SNTG2: variants seen among roughly 807,000 people sequenced by gnomAD.
The protein encoded by SNTG2 is syntrophin gamma 2.
A neutral mutation model predicts 70.9 loss-of-function variants in SNTG2; 74 were observed. The observed-to-expected ratio is 1.04, with a 90% confidence interval of 0.86 to 1.27. The LOEUF (loss-of-function observed/expected upper bound fraction) is 1.27, where lower values mean the gene tolerates loss of function less well. SNTG2 is among the 50% of genes most tolerant of loss of function. The probability of loss-of-function intolerance (pLI) is 0.00; values close to 1 mark genes in which losing one functional copy is unlikely to be tolerated. For synonymous variants in SNTG2, 278 were observed against 273.8 expected, an observed-to-expected ratio of 1.02 and a Z score of -0.15; for missense variants, 717 against 690.7, an observed-to-expected ratio of 1.04 and a Z score of -0.43.
chr2:1,224,534 G>C (rs1468595456), intron 9 of SNTG2, among the ~76,000 whole-genome samples: 1 of 152,138 alleles, frequency 6.6e-6, no homozygotes, highest in African/African-American at 2.4e-5. Flanking sequence ...CCCATGCTCT[G>C]CCTCCCAGGC....
At chr2:1,119,551 C>CAT (rs1558423323) in intron 4 of SNTG2, among the ~76,000 whole-genome samples, 1 of 129,294 alleles carries the variant, frequency 7.7e-6, no homozygotes, top group Non-Finnish European at 1.6e-5. Context: ...GTTAAAGGCT[C>CAT]GTTTTTTTTT....
intron 1 of SNTG2, among the ~76,000 whole-genome samples, chr2:955,669 A>C (rs1660115574): frequency 6.6e-6 from 1 of 152,272 alleles, no homozygotes; most frequent in South Asian, 2.1e-4. Context: ...AGGTAAGGGC[A>C]CAGCCATGGG....
Position 1,137,749 on chromosome 2 carries a change from T to C in SNTG2, c.370-19T>C. 6.2e-7 allele frequency: 1 copy of C among 1,613,864 alleles called. No homozygotes were observed. Among genetic ancestry groups the C allele is most frequent in the Non-Finnish European group, 8.5e-7 (1 of 1,179,782 alleles). On this transcript the variant is annotated intron_variant, in intron 5 of 16. Transcript: ENST00000308624. ...AATCAATCGTTATTCTCAACATTCT[T>C]ACTTTGTCATCTGTTCAGGTTAATG... is the stretch of plus-strand genomic sequence containing the variant.
intron 16 of SNTG2, among the ~76,000 whole-genome samples, chr2:1,326,187 A>G (rs1487429431): frequency 6.6e-6 from 1 of 152,200 alleles, no homozygotes; most frequent in Non-Finnish European, 1.5e-5. Flanking sequence ...TATATTTATA[A>G]TATATCCAAA....
rs1175911872 is a variant in SNTG2 at position 1,305,995 on chromosome 2, C to T, written c.1285-2499C>T. Reference sequence around the variant, plus strand: ...GTAGCAATTTCCCTTGGAATACTTTCATTTCCTATTTTATAATCACTAGAT... The same window carrying T: ...GTAGCAATTTCCCTTGGAATACTTTTATTTCCTATTTTATAATCACTAGAT... On this transcript the variant is annotated intron_variant, in intron 14 of 16. Coordinates refer to ENST00000308624, the MANE Select transcript of SNTG2 (RefSeq NM_018968.4). Among the ~76,000 whole-genome samples, 4 of 152,336 alleles carry T rather than the reference C, an allele frequency of 2.6e-5. No individual in the cohort carries two copies. The South Asian group carries it at 8.3e-4, about 32-fold the overall frequency.
intron 9 of SNTG2, among the ~76,000 whole-genome samples, chr2:1,219,273 T>C (rs932683894): frequency 1.3e-5 from 2 of 152,246 alleles, no homozygotes; most frequent in African/African-American, 2.4e-5. Context: ...TCCCAGCAGA[T>C]GTCGCCATGC....
intron 14 of SNTG2, among the ~76,000 whole-genome samples, chr2:1,272,798 C>A (rs1006396805): frequency 7.1e-6 from 1 of 140,196 alleles, no homozygotes; most frequent in Non-Finnish European, 1.5e-5. Context: ...AGAAAGGACA[C>A]CCCAGGGAGC....
intron 1 of SNTG2, among the ~76,000 whole-genome samples, chr2:1,031,429 T>C (rs1224383837): frequency 6.7e-6 from 1 of 150,202 alleles, no homozygotes; most frequent in African/African-American, 2.5e-5. Context: ...AGACTTATAG[T>C]CTCATATGGT....
chr2:998,048 A>G lies in SNTG2; in HGVS notation c.72+46980A>G, dbSNP rs180714851. ...TTGAGAAAGCCATCATACAAAGGCTATCTATAGCCAAGGAGTTCACGCAGA... is the reference window on the plus strand; with the variant it reads ...TTGAGAAAGCCATCATACAAAGGCTGTCTATAGCCAAGGAGTTCACGCAGA... On this transcript the variant is annotated intron_variant, in intron 1 of 16. Transcript: ENST00000308624. Among the ~76,000 whole-genome samples the G allele has an allele frequency of 1.1e-4, 17 of 152,352 alleles. No individual in the cohort carries two copies. In the East Asian group the frequency reaches 2.7e-3, roughly 24 times the overall value.
chr2:1,154,592 G>A (rs1037774651), intron 6 of SNTG2, among the ~76,000 whole-genome samples: 6 of 152,106 alleles, frequency 3.9e-5, no homozygotes, highest in Non-Finnish European at 7.4e-5. Flanking sequence ...CTGCAGCAGC[G>A]TGACAGTGAC....
intron 1 of SNTG2, among the ~76,000 whole-genome samples, chr2:1,051,956 G>A (rs1662102593): frequency 1.3e-5 from 2 of 152,118 alleles, no homozygotes. Flanking sequence ...ATTTTCAAAT[G>A]GTAAACTACC....
chr2:1,327,610 G>A (rs1402232378), intron 16 of SNTG2, among the ~76,000 whole-genome samples: 1 of 152,136 alleles, frequency 6.6e-6, no homozygotes, highest in East Asian at 1.9e-4. Flanking sequence ...TCCAGCCATT[G>A]TGTCAAGTTA....
Position 1,134,750 on chromosome 2 carries a change from T to C in SNTG2, c.326-2872T>C, listed in dbSNP as rs62107447. Among the ~76,000 whole-genome samples the C allele has an allele frequency of 4.4e-3, 673 of 152,210 alleles. 9 individuals are homozygous for C. The highest frequency in any genetic ancestry group is 0.02 in the Middle Eastern group (6 of 294). The stretch of plus-strand genomic sequence containing the variant: ...CACTCCTCAGCCATTGGGTGGTTGA[T>C]GGGACTGGGCACGGTGGAGCAGGGG... On this transcript the variant is annotated intron_variant, in intron 4 of 16. Transcript: ENST00000308624.
chr2:1,301,125 AG>A (rs1213577094), intron 14 of SNTG2, among the ~76,000 whole-genome samples: 1 of 151,898 alleles, frequency 6.6e-6, no homozygotes, highest in Non-Finnish European at 1.5e-5. Context: ...CATCCCCCAG[AG>A]GTGACATGCA....
intron 6 of SNTG2, among the ~76,000 whole-genome samples, chr2:1,150,248 G>C (rs1281530829): frequency 1.3e-5 from 2 of 152,216 alleles, no homozygotes; most frequent in Non-Finnish European, 2.9e-5. Flanking sequence ...AAACACAGCT[G>C]TCATCTCCAC....
At chr2:1,141,900 G>T (rs1346376470) in intron 6 of SNTG2, among the ~76,000 whole-genome samples, 1 of 152,186 alleles carries the variant, frequency 6.6e-6, no homozygotes, top group East Asian at 1.9e-4. Flanking sequence ...TGTGACAGGG[G>T]CCATGGCAGG....
rs74605590 is a variant in SNTG2, at chr2:1,291,019, T to C, written c.1285-17475T>C. Among the ~76,000 whole-genome samples the C allele has an allele frequency of 4.5e-3, 678 of 152,350 alleles. 5 individuals carry two copies. Among genetic ancestry groups the C allele is most frequent in the African/African-American group, 0.016 (649 of 41,576 alleles). On this transcript the variant is annotated intron_variant, in intron 14 of 16. Coordinates refer to ENST00000308624, the MANE Select transcript of SNTG2 (RefSeq NM_018968.4). ...CATCACTTGTTATTTTCTGTTGTAT[T>C]TGCTTGTTTGTATTTTATAGTAGCC... is the stretch of plus-strand genomic sequence containing the variant.
At chr2:1,212,468 A>G (rs955486834) in intron 9 of SNTG2, among the ~76,000 whole-genome samples, 1 of 152,214 alleles carries the variant, frequency 6.6e-6, no homozygotes, top group African/African-American at 2.4e-5. Flanking sequence ...ACAGCAGTGC[A>G]AGAACGGACC....
chr2:961,269 C>T (rs914094761), intron 1 of SNTG2, among the ~76,000 whole-genome samples: 1 of 152,050 alleles, frequency 6.6e-6, no homozygotes, highest in Non-Finnish European at 1.5e-5. Flanking sequence ...TGCAGTGGCA[C>T]GATCTTGGCT....
Sources: gnomAD v4.1 joint callset for allele counts (sites outside exome capture counted in the v4.1 genomes callset) on GRCh38, gnomAD v4.1.1 for gene constraint, MANE v1.5 for transcripts, NCBI Gene and HGNC (gene_info 2026-07-23, HGNC 2026-07-21) for gene names.